CNTNAP2: variants seen among roughly 807,000 people sequenced by gnomAD.
CNTNAP2 encodes the protein contactin-associated protein-like 2.
A neutral mutation model predicts 155.2 loss-of-function variants in CNTNAP2; 98 were observed. That is an observed-to-expected ratio of 0.63 (90% confidence interval 0.54 to 0.75). The LOEUF is 0.75. Among genes scored for constraint, CNTNAP2 ranks in the 30% least tolerant of loss-of-function variants. The probability of loss-of-function intolerance (pLI) is 0.00; values close to 1 mark genes in which losing one functional copy is unlikely to be tolerated. For missense variants in CNTNAP2, 1,727 were observed against 1,688.1 expected, an observed-to-expected ratio of 1.02 and a Z score of -0.40; for synonymous variants, 651 against 631.2, an observed-to-expected ratio of 1.03 and a Z score of -0.47.
At chr7:147,745,448 G>A (rs1223332604) in intron 13 of CNTNAP2, among the ~76,000 whole-genome samples, 1 of 152,152 alleles carries the variant, frequency 6.6e-6, no homozygotes, top group African/African-American at 2.4e-5. Context: ...AAGAGAGAAA[G>A]CTTCAACCTA....
chr7:147,382,595 T>C (rs1796553975), intron 9 of CNTNAP2, among the ~76,000 whole-genome samples: 1 of 152,130 alleles, frequency 6.6e-6, no homozygotes. Flanking sequence ...ACTTTGGATA[T>C]ATTAGTGTTG....
intron 13 of CNTNAP2, among the ~76,000 whole-genome samples, chr7:147,894,957 CTTTCTTTCTTTTTTT>C (rs921915216): frequency 1.6e-5 from 1 of 62,860 alleles, no homozygotes; most frequent in East Asian, 5.0e-4. Context: ...TTCTTTCTTT[CTTTCTTTCTTTTTTT>C]TTTTTTTTTT....
rs185499813 is a variant in CNTNAP2, at chr7:146,496,426, C to A, written c.98-277845C>A. 1.6e-3 allele frequency among the ~76,000 whole-genome samples: 250 copies of A among 152,176 alleles called. 2 individuals carry two copies. Among genetic ancestry groups the A allele is most frequent in the Non-Finnish European group, 3.1e-3 (208 of 68,014 alleles). The stretch of plus-strand genomic sequence containing the variant: ...GATGATAAATACATTGAATTTAATC[C>A]TGTCTGGTTTATGGCTATTAAAAAC... On this transcript the variant is annotated intron_variant, in intron 1 of 23. Coordinates refer to ENST00000361727, the MANE Select transcript of CNTNAP2 (RefSeq NM_014141.6).
chr7:146,485,875 A>G (rs1797047595), intron 1 of CNTNAP2, among the ~76,000 whole-genome samples: 1 of 152,156 alleles, frequency 6.6e-6, no homozygotes, highest in South Asian at 2.1e-4. Flanking sequence ...TTAAAAAATT[A>G]AAAATTGATA....
At position 147,417,046 on chromosome 7, in the gene CNTNAP2, G is replaced by A. The variant is rs560877276; in HGVS notation, c.1670+21266G>A. The stretch of plus-strand genomic sequence containing the variant: ...AGAGGTTGCAGTGAGCCGAGATTGC[G>A]CCACTGCACTCCAGCCTAAGCGACA... On this transcript the variant is annotated intron_variant, in intron 10 of 23. Transcript: ENST00000361727. 5.4e-5 allele frequency among the ~76,000 whole-genome samples: 8 copies of A among 148,626 alleles called. No individual in the cohort carries two copies. In the South Asian group the frequency reaches 1.1e-3, roughly 20 times the overall value.
At chr7:147,570,354 A>G (rs1299191569) in intron 12 of CNTNAP2, among the ~76,000 whole-genome samples, 1 of 152,190 alleles carries the variant, frequency 6.6e-6, no homozygotes, top group Non-Finnish European at 1.5e-5. Flanking sequence ...AATTATTCAT[A>G]ATTCCAGCAA....
intron 2 of CNTNAP2, among the ~76,000 whole-genome samples, chr7:146,812,390 A>G (rs1226532882): frequency 6.6e-6 from 1 of 150,886 alleles, no homozygotes; most frequent in South Asian, 2.1e-4. Context: ...CTTAAAAGAG[A>G]TGAGTTAGGG....
intron 22 of CNTNAP2, among the ~76,000 whole-genome samples, chr7:148,390,400 C>T (rs1799319792): frequency 6.6e-6 from 1 of 152,138 alleles, no homozygotes; most frequent in South Asian, 2.1e-4. Flanking sequence ...TTTGAATTGG[C>T]TGCTAACCTA....
At position 146,219,355 on chromosome 7, in the gene CNTNAP2, C is replaced by T. The variant is rs114113478; in HGVS notation, c.97+102382C>T. Among the ~76,000 whole-genome samples, 1,242 of 152,170 alleles carry T rather than the reference C, an allele frequency of 8.2e-3. 11 individuals are homozygous for T. Among genetic ancestry groups the T allele is most frequent in the African/African-American group, 0.017 (687 of 41,520 alleles). ...TCCAGAATATTACCCTTTAAAGTTA[C>T]GATTAATAACATAAAAATCTTTATA... On this transcript the variant is annotated intron_variant, in intron 1 of 23. Coordinates refer to ENST00000361727, the MANE Select transcript of CNTNAP2 (RefSeq NM_014141.6).
chr7:146,691,701 A>G (rs544310454), intron 1 of CNTNAP2, among the ~76,000 whole-genome samples: 12 of 152,050 alleles, frequency 7.9e-5, no homozygotes, highest in Non-Finnish European at 1.5e-4. Flanking sequence ...TGAATGTTAG[A>G]GCCAGGTTCG....
chr7:147,772,809 A>C (rs700319), intron 13 of CNTNAP2, among the ~76,000 whole-genome samples: 60,264 of 151,724 alleles, frequency 0.4, 14,680 homozygotes, highest in African/African-American at 0.7. Flanking sequence ...TACAGTCATA[A>C]CCATGTCATT....
chr7:146,871,953 G>A (rs1308833317), intron 3 of CNTNAP2, among the ~76,000 whole-genome samples: 2 of 151,832 alleles, frequency 1.3e-5, no homozygotes, highest in African/African-American at 4.8e-5. Context: ...TCCTAATTAT[G>A]TTTTCTTCTA....
chr7:147,641,709 C>T (rs973452944), intron 13 of CNTNAP2, among the ~76,000 whole-genome samples: 3 of 151,970 alleles, frequency 2.0e-5, no homozygotes, highest in African/African-American at 7.3e-5. Flanking sequence ...GGAGAAGAAA[C>T]AGAGCTCTGT....
At chr7:147,856,720 G>A (rs1306571537) in intron 13 of CNTNAP2, among the ~76,000 whole-genome samples, 1 of 151,588 alleles carries the variant, frequency 6.6e-6, no homozygotes, top group Non-Finnish European at 1.5e-5. Flanking sequence ...TCAGGCAATA[G>A]CCAAGGGAAA....
intron 1 of CNTNAP2, among the ~76,000 whole-genome samples, chr7:146,151,493 T>C (rs1798037076): frequency 6.6e-6 from 1 of 150,662 alleles, no homozygotes; most frequent in African/African-American, 2.4e-5. Flanking sequence ...CATGTGGTTT[T>C]TGTCTTCCTG....
chr7:148,235,793 C>G (rs543077410), intron 20 of CNTNAP2, among the ~76,000 whole-genome samples: 2 of 146,922 alleles, frequency 1.4e-5, no homozygotes, highest in African/African-American at 5.0e-5. Flanking sequence ...TCAAGTGAAT[C>G]TCCTGTGTCA....
chr7:147,049,693 T>C (rs1314728319), intron 4 of CNTNAP2, among the ~76,000 whole-genome samples: 1 of 152,084 alleles, frequency 6.6e-6, no homozygotes, highest in Non-Finnish European at 1.5e-5. Flanking sequence ...CCTGAAAGGG[T>C]GTACCTGGGA....
chr7:146,611,475 G>GA (rs967790866), intron 1 of CNTNAP2, among the ~76,000 whole-genome samples: 4 of 152,008 alleles, frequency 2.6e-5, no homozygotes, highest in African/African-American at 4.8e-5. Flanking sequence ...TGCTGTAGAA[G>GA]AAAAAAATAC....
At chr7:146,797,709 C>T (rs1228664721) in intron 2 of CNTNAP2, among the ~76,000 whole-genome samples, 1 of 152,176 alleles carries the variant, frequency 6.6e-6, no homozygotes, top group Non-Finnish European at 1.5e-5. Flanking sequence ...CAAGCTACCA[C>T]CAAAATCTCA....
Sources: gnomAD v4.1 joint callset for allele counts (sites outside exome capture counted in the v4.1 genomes callset) on GRCh38, gnomAD v4.1.1 for gene constraint, MANE v1.5 for transcripts, NCBI Gene and HGNC (gene_info 2026-07-23, HGNC 2026-07-21) for gene names.